The following PAWR variants were observed in gnomAD, a reference collection of about 807,000 sequenced individuals.
PAWR encodes the protein PRKC apoptosis WT1 regulator protein.
PAWR carries 23 observed loss-of-function variants against 32.0 expected under a neutral mutation model. That is an observed-to-expected ratio of 0.72 (90% confidence interval 0.52 to 1.02). The LOEUF (loss-of-function observed/expected upper bound fraction) is 1.02. PAWR is among the 50% of genes least tolerant of loss of function. The probability of loss-of-function intolerance (pLI) is 0.00; values close to 1 mark genes in which losing one functional copy is unlikely to be tolerated. For missense variants in PAWR, 457 were observed against 437.7 expected (o/e 1.04, Z -0.39); for synonymous variants, 226 against 187.1 (o/e 1.21, Z -1.70).
Position 79,585,175 on chromosome 12 carries a change from A to G in PAWR, c.*7432T>C. Reference sequence around the variant, plus strand: ...TTAAAACAAAACAAAACAAAAACAAACAAAAAACAAGTTCATGTTATTTCT... The same window carrying G: ...TTAAAACAAAACAAAACAAAAACAAGCAAAAAACAAGTTCATGTTATTTCT... On this transcript the variant is annotated 3_prime_UTR_variant, in exon 7 of 7. Coordinates refer to ENST00000328827, the MANE Select transcript of PAWR (RefSeq NM_002583.4). 2.2e-6 allele frequency: 1 copy of G among 452,208 alleles called. No homozygotes were observed. The highest frequency in any genetic ancestry group is 4.4e-6 in the Non-Finnish European group (1 of 225,802). 28.0% of individuals were successfully genotyped at this position (452,208 alleles called of 1,614,324 possible).
chr12:79,616,085 C>A (rs1031476730), intron 3 of PAWR, among the ~76,000 whole-genome samples: 1 of 151,750 alleles, frequency 6.6e-6, no homozygotes, highest in Admixed American at 6.6e-5. Flanking sequence ...AAGTTTTTCC[C>A]CTGGTAGTTT....
At chr12:79,606,387 T>C (rs1056930840) in intron 4 of PAWR, among the ~76,000 whole-genome samples, 12 of 152,206 alleles carry the variant, frequency 7.9e-5, no homozygotes, top group African/African-American at 2.9e-4. Flanking sequence ...AAGATCAGTT[T>C]AGTGGTTAAT....
Position 79,645,036 on chromosome 12 carries a change from C to CCACA in PAWR, c.517-23833_517-23830dup, listed in dbSNP as rs60664351. ...AAGAATCATGCTCCCTCCACCCCCA[C>CCACA]CACACACACACACACACACACACAC... On this transcript the variant is annotated intron_variant, in intron 2 of 6. Transcript: ENST00000328827. Among the ~76,000 whole-genome samples the CCACA allele has an allele frequency of 8.1e-3, 968 of 119,988 alleles. 7 individuals are homozygous for CCACA. Among genetic ancestry groups the CCACA allele is most frequent in the African/African-American group, 0.011 (384 of 35,340 alleles). The allele number at this position is 119,988 out of a possible 152,430, so 78.7% of individuals were successfully genotyped here. A position where few individuals can be genotyped will look rare whatever the true frequency, so the allele number is the denominator to read the frequency against.
At position 79,586,569 on chromosome 12, in the gene PAWR, A is replaced by T. The variant is rs1453153982; in HGVS notation, c.*6038T>A. 1 of 152,176 alleles carries T rather than the reference A, an allele frequency of 6.6e-6. No individual in the cohort carries two copies. Among genetic ancestry groups the T allele is most frequent in the Non-Finnish European group, 1.5e-5 (1 of 68,020 alleles). 9.4% of individuals were successfully genotyped at this position (152,176 alleles called of 1,614,324 possible). A position where few individuals can be genotyped will look rare whatever the true frequency, so the allele number is the denominator to read the frequency against. On this transcript the variant is annotated 3_prime_UTR_variant, in exon 7 of 7. Transcript: ENST00000328827. ...GTCTAACCAGGGATAGCAACTGATT[A>T]TATGTGGATTAACAATAGTGAATAA...
At chr12:79,604,578 T>A in intron 4 of PAWR, 1 of 1,274,870 alleles carries the variant, frequency 7.8e-7, no homozygotes, top group Non-Finnish European at 1.0e-6. Flanking sequence ...AAGTACAGGA[T>A]ATATTCTGAA....
At chr12:79,675,364 G>A (rs1878112567) in intron 2 of PAWR, among the ~76,000 whole-genome samples, 1 of 152,084 alleles carries the variant, frequency 6.6e-6, no homozygotes, top group Non-Finnish European at 1.5e-5. Flanking sequence ...GGGTGACAAA[G>A]CAAGACTCTG....
chr12:79,632,346 TA>T (rs1566011078), intron 2 of PAWR, among the ~76,000 whole-genome samples: 1,829 of 66,714 alleles, frequency 0.027, 147 homozygotes, highest in Non-Finnish European at 0.034. Context: ...TATATATATA[TA>T]TATATATATA....
chr12:79,632,361 A>ATTTTTTTTT (rs755937992), intron 2 of PAWR, among the ~76,000 whole-genome samples: 3 of 20,602 alleles, frequency 1.5e-4, no homozygotes, highest in African/African-American at 6.0e-4. Context: ...ATATATATAT[A>ATTTTTTTTT]TTTTTTTTTT....
intron 2 of PAWR, among the ~76,000 whole-genome samples, chr12:79,625,115 C>A (rs1875221840): frequency 6.6e-6 from 1 of 152,062 alleles, no homozygotes; most frequent in Admixed American, 6.6e-5. Context: ...AAAAAAGTAT[C>A]TCAGTGTAAT....
chr12:79,677,154 G>A (rs780778160), intron 2 of PAWR, among the ~76,000 whole-genome samples: 1 of 146,322 alleles, frequency 6.8e-6, no homozygotes, highest in Admixed American at 6.7e-5. Context: ...GTACTAACAA[G>A]GTAGTAAATG....
intron 4 of PAWR, 43 bp from the exon 5 acceptor site, chr12:79,596,701 C>T (rs1873767571): frequency 7.5e-7 from 1 of 1,330,068 alleles, no homozygotes; most frequent in Admixed American, 2.6e-5. Context: ...TAGTATTCAG[C>T]AAGAAAAATG....
intron 2 of PAWR, among the ~76,000 whole-genome samples, chr12:79,656,433 C>G (rs978224373): frequency 6.6e-6 from 1 of 151,924 alleles, no homozygotes; most frequent in African/African-American, 2.4e-5. Context: ...TGAATGGATG[C>G]GTAACATGGG....
At chr12:79,604,790 T>C (rs1053333245) in intron 4 of PAWR, 2 of 734,410 alleles carry the variant, frequency 2.7e-6, no homozygotes, top group African/African-American at 1.9e-5. Flanking sequence ...TCCCATTATA[T>C]TAAACTCTCA....
chr12:79,639,505 A>G (rs1592522589), intron 2 of PAWR, among the ~76,000 whole-genome samples: 1 of 152,152 alleles, frequency 6.6e-6, no homozygotes, highest in East Asian at 1.9e-4. Context: ...GTGTCTGTAA[A>G]GTTCATCTTT....
At position 79,590,009 on chromosome 12, in the gene PAWR, T is replaced by C. The variant is rs1055835289; in HGVS notation, c.*2598A>G. On this transcript the variant is annotated 3_prime_UTR_variant, in exon 7 of 7. Coordinates refer to ENST00000328827, the MANE Select transcript of PAWR (RefSeq NM_002583.4). ...TAGCAGATCCTACTTTATTTTTCAA[T>C]GGTTAGTGTAAAATTCTGTATGTAA... is the stretch of plus-strand genomic sequence containing the variant. The C allele has an allele frequency of 3.9e-5, 6 of 152,120 alleles. No homozygotes were observed. Among genetic ancestry groups the C allele is most frequent in the African/African-American group, 1.4e-4 (6 of 41,442 alleles). 9.4% of individuals were successfully genotyped at this position (152,120 alleles called of 1,614,324 possible).
intron 2 of PAWR, among the ~76,000 whole-genome samples, chr12:79,679,473 G>T (rs938117707): frequency 6.6e-6 from 1 of 152,164 alleles, no homozygotes; most frequent in Admixed American, 6.5e-5. Context: ...ACAGTCAGCA[G>T]GTGAAAATGT....
intron 4 of PAWR, 46 bp downstream of exon 4, chr12:79,613,529 C>G: frequency 9.8e-7 from 1 of 1,021,830 alleles, no homozygotes. Flanking sequence ...GTCAGACAGA[C>G]ATTACATTCA....
chr12:79,661,248 CAAAAAA>C (rs397967995), intron 2 of PAWR, among the ~76,000 whole-genome samples: 1 of 71,462 alleles, frequency 1.4e-5, no homozygotes, highest in Admixed American at 1.7e-4. Context: ...GACTCTGTCT[CAAAAAA>C]AAAAAAAAAA....
intron 4 of PAWR, among the ~76,000 whole-genome samples, chr12:79,608,174 C>G (rs1418940950): frequency 6.6e-6 from 1 of 152,032 alleles, no homozygotes; most frequent in South Asian, 2.1e-4. Context: ...AAACTTGAAC[C>G]GGTTCTAGTC....
Sources: gnomAD v4.1 joint callset for allele counts (sites outside exome capture counted in the v4.1 genomes callset) on GRCh38, gnomAD v4.1.1 for gene constraint, MANE v1.5 for transcripts, NCBI Gene and HGNC (gene_info 2026-07-23, HGNC 2026-07-21) for gene names.